SPHKAP: variants seen among roughly 807,000 people sequenced by gnomAD.
The protein encoded by SPHKAP is SPHK1 interactor, AKAP domain containing.
SPHKAP carries 67 observed loss-of-function variants against 137.5 expected under a neutral mutation model. The observed-to-expected ratio is 0.49, with a 90% CI of 0.40 to 0.60. The LOEUF (loss-of-function observed/expected upper bound fraction) is 0.60. Among genes scored for constraint, SPHKAP ranks in the 20% least tolerant of loss-of-function variants. The probability of loss-of-function intolerance (pLI) is 0.00; values close to 1 mark genes in which losing one functional copy is unlikely to be tolerated. For synonymous variants in SPHKAP, 813 were observed against 785.3 expected, an observed-to-expected ratio of 1.04 and a Z score of -0.59; for missense variants, 2,097 against 2,069.3, an observed-to-expected ratio of 1.01 and a Z score of -0.26.
At position 228,033,322 on chromosome 2, in the gene SPHKAP, T is replaced by G. The variant is rs531334833; in HGVS notation, c.247-5779A>C. 3.9e-4 allele frequency among the ~76,000 whole-genome samples: 59 copies of G among 152,220 alleles called. No individual in the cohort carries two copies. In the South Asian group the frequency reaches 9.1e-3, roughly 24 times the overall value. ...GGTAAAGGGATCAATTCAACAAGAA[T>G]AGCTAACTATCCTAAATATATATGC... On this transcript the variant is annotated intron_variant, in intron 3 of 11. Coordinates refer to ENST00000392056, the MANE Select transcript of SPHKAP (RefSeq NM_001142644.2).
chr2:228,060,454 CAG>C lies in SPHKAP; in HGVS notation c.247-32913_247-32912del, dbSNP rs1696595324. Among the ~76,000 whole-genome samples, 3 of 152,080 alleles carry C rather than the reference CAG, an allele frequency of 2.0e-5. No individual in the cohort carries two copies. In the South Asian group the frequency reaches 6.2e-4, roughly 31 times the overall value. On this transcript the variant is annotated intron_variant, in intron 3 of 11. Transcript: ENST00000392056. The stretch of plus-strand genomic sequence containing the variant: ...GAACCATTACTTGGAAATGAGAAAA[CAG>C]AAATTTCCATTTGGTTTAAAGTGGA...
At chr2:228,094,702 A>G (rs1281408724) in intron 3 of SPHKAP, among the ~76,000 whole-genome samples, 1 of 152,188 alleles carries the variant, frequency 6.6e-6, no homozygotes, top group African/African-American at 2.4e-5. Context: ...AGTAAGAGCC[A>G]TGGTCTTGAA....
chr2:228,149,080 C>T (rs1044033951), intron 1 of SPHKAP, among the ~76,000 whole-genome samples: 3 of 152,072 alleles, frequency 2.0e-5, no homozygotes, highest in African/African-American at 7.2e-5. Flanking sequence ...CAGGACCTTC[C>T]AATTTGTTTT....
At chr2:227,983,577 A>G (rs1016185485) in intron 11 of SPHKAP, among the ~76,000 whole-genome samples, 1 of 152,208 alleles carries the variant, frequency 6.6e-6, no homozygotes, top group African/African-American at 2.4e-5. Context: ...GAATGACAGA[A>G]GGGATGCAAG....
chr2:227,984,810 G>A lies in SPHKAP; in HGVS notation c.4960-2950C>T, dbSNP rs563638386. On this transcript the variant is annotated intron_variant, in intron 11 of 11. Transcript: ENST00000392056. ...CTCACAGGTTGTTGATTTGTTTCTC[G>A]AGACTTCTCTAAGGTATCCCCAGTA... Among the ~76,000 whole-genome samples the A allele has an allele frequency of 2.5e-4, 38 of 152,216 alleles. No homozygotes were observed. The South Asian group carries it at 5.6e-3, about 22-fold the overall frequency.
At chr2:228,004,086 A>T (rs1694025501) in intron 7 of SPHKAP, among the ~76,000 whole-genome samples, 1 of 152,226 alleles carries the variant, frequency 6.6e-6, no homozygotes. Context: ...AAAATGAGTT[A>T]GGGAGGATGC....
chr2:228,057,501 G>C (rs1220671366), intron 3 of SPHKAP, among the ~76,000 whole-genome samples: 2 of 152,140 alleles, frequency 1.3e-5, no homozygotes, highest in African/African-American at 4.8e-5. Context: ...TCTTCAGGGG[G>C]TGTGTGCCAG....
chr2:228,071,772 A>C (rs571651800), intron 3 of SPHKAP, among the ~76,000 whole-genome samples: 2 of 151,828 alleles, frequency 1.3e-5, no homozygotes, highest in East Asian at 1.9e-4. Flanking sequence ...TCTATGGTAC[A>C]TATCAAGCAA....
intron 1 of SPHKAP, among the ~76,000 whole-genome samples, chr2:228,144,789 G>T (rs1699722354): frequency 6.6e-6 from 1 of 152,106 alleles, no homozygotes; most frequent in Non-Finnish European, 1.5e-5. Flanking sequence ...ATAGGTTACT[G>T]CTTTGATGAT....
At chr2:228,014,680 A>T (rs1247339013) in intron 7 of SPHKAP, among the ~76,000 whole-genome samples, 1 of 152,176 alleles carries the variant, frequency 6.6e-6, no homozygotes, top group Non-Finnish European at 1.5e-5. Flanking sequence ...ATGTCCTCTA[A>T]TGGGGAGCAC....
Position 228,019,845 on chromosome 2 carries a change from C to T in SPHKAP, c.1009G>A (p.Ala337Thr), listed in dbSNP as rs760999447. Residue 337 changes from alanine (A) to threonine (T), a missense_variant, in exon 7 of 12, where the codon GCA becomes ACA. Physicochemically the swap from Ala to Thr is moderately conservative, Grantham distance 58. Transcript: ENST00000392056. ...TAAGCATCTTTTGGAATATACAGTG[C>T]CTGTGATTTTTCCATTTGACCTTTA... ...AFKGQMEKSQ[A>T]LYIPKDAYFS... 6.2e-7 allele frequency: 1 copy of T among 1,614,124 alleles called. No homozygotes were observed. Among genetic ancestry groups the T allele is most frequent in the Non-Finnish European group, 8.5e-7 (1 of 1,180,030 alleles).
chr2:227,999,566 C>T (rs887459183), intron 7 of SPHKAP, among the ~76,000 whole-genome samples: 1 of 152,160 alleles, frequency 6.6e-6, no homozygotes, highest in Non-Finnish European at 1.5e-5. Context: ...TTATTCCAGG[C>T]TATTTCTTAC....
chr2:228,084,099 AAAG>A (rs200779887), intron 3 of SPHKAP, among the ~76,000 whole-genome samples: 9,655 of 151,506 alleles, frequency 0.064, 436 homozygotes, highest in Middle Eastern at 0.21. Flanking sequence ...TTAAAGTAAA[AAAG>A]AAGAAGAAAA....
intron 1 of SPHKAP, among the ~76,000 whole-genome samples, chr2:228,165,885 G>A (rs1361932948): frequency 6.6e-6 from 1 of 152,218 alleles, no homozygotes; most frequent in African/African-American, 2.4e-5. Flanking sequence ...GTTGCCTGTT[G>A]ATTCTTTAAG....
rs1695111586 is a variant in SPHKAP at position 228,027,887 on chromosome 2, A to G, written c.247-344T>C. On this transcript the variant is annotated intron_variant, in intron 3 of 11. Coordinates refer to ENST00000392056, the MANE Select transcript of SPHKAP (RefSeq NM_001142644.2). ...AGGCTGAGGCAGGAGAATTGCTTGA[A>G]CCCAGGAGGCGGAGGTTGCAGTGAG... is the stretch of plus-strand genomic sequence containing the variant. 3 of 431,310 alleles carry G rather than the reference A, an allele frequency of 7.0e-6. No homozygotes were observed. The South Asian group carries it at 3.0e-4, about 43-fold the overall frequency. 26.7% of individuals were successfully genotyped at this position (431,310 alleles called of 1,614,324 possible). A position where few individuals can be genotyped will look rare whatever the true frequency, so the allele number is the denominator to read the frequency against.
At chr2:228,118,253 T>G (rs928154241) in intron 2 of SPHKAP, among the ~76,000 whole-genome samples, 6 of 151,142 alleles carry the variant, frequency 4.0e-5, no homozygotes, top group Middle Eastern at 3.2e-3. Flanking sequence ...TTTTTTTTTT[T>G]TTTTTTTTTT....
intron 3 of SPHKAP, among the ~76,000 whole-genome samples, chr2:228,066,964 G>C (rs1168843984): frequency 6.6e-6 from 1 of 152,098 alleles, no homozygotes; most frequent in South Asian, 2.1e-4. Context: ...CATGCATCCT[G>C]TTTCATTATG....
intron 2 of SPHKAP, among the ~76,000 whole-genome samples, chr2:228,114,522 G>A (rs566291444): frequency 2.0e-4 from 30 of 152,176 alleles, no homozygotes; most frequent in African/African-American, 7.0e-4. Context: ...ACTTCTGTGG[G>A]ACTTAGTTTT....
intron 1 of SPHKAP, among the ~76,000 whole-genome samples, chr2:228,151,074 C>A (rs1699913552): frequency 7.2e-6 from 1 of 138,400 alleles, no homozygotes. Flanking sequence ...CTAATGCTAT[C>A]CCTCCCCGCT....
Sources: gnomAD v4.1 joint callset for allele counts (sites outside exome capture counted in the v4.1 genomes callset) on GRCh38, gnomAD v4.1.1 for gene constraint, MANE v1.5 for transcripts, NCBI Gene and HGNC (gene_info 2026-07-23, HGNC 2026-07-21) for gene names.